The following ABCB1 variants were observed in gnomAD, a reference collection of about 807,000 sequenced individuals.
ABCB1 encodes the protein ATP-dependent translocase ABCB1.
Under a neutral mutation model 142.0 loss-of-function variants are expected in ABCB1, and 69 were observed. That is an observed-to-expected ratio of 0.49 (90% CI 0.40 to 0.59). The LOEUF is 0.59. Among genes scored for constraint, ABCB1 ranks in the 20% least tolerant of loss-of-function variants. The pLI, the probability that ABCB1 is intolerant of heterozygous loss-of-function variation, is 0.00. For missense variants in ABCB1, 1,326 were observed against 1,554.7 expected (o/e 0.85, Z 2.47); for synonymous variants, 532 against 539.2 (o/e 0.99, Z 0.18).
chr7:87,614,431 GAGAGAA>G (rs949184733), intron 1 of ABCB1, among the ~76,000 whole-genome samples: 13 of 150,562 alleles, frequency 8.6e-5, no homozygotes, highest in African/African-American at 3.2e-4. Flanking sequence ...AAAGAAGAAA[GAGAGAA>G]AGAGAAAGAA....
rs540109813 is a variant in ABCB1, at chr7:87,576,858, AG to A, written c.287-6636del. On this transcript the variant is annotated intron_variant, in intron 4 of 27. Coordinates refer to ENST00000622132, the MANE Select transcript of ABCB1 (RefSeq NM_001348946.2). ...GCATACAATGGATAATAATCACATT[AG>A]GGTGAATGGGGTATCTATCACCTCA... is the stretch of plus-strand genomic sequence containing the variant. Among the ~76,000 whole-genome samples, 538 of 152,274 alleles carry A rather than the reference AG, an allele frequency of 3.5e-3. 3 individuals carry two copies. Among genetic ancestry groups the A allele is most frequent in the African/African-American group, 0.012 (490 of 41,564 alleles).
At chr7:87,516,269 ATCTG>A (rs1563029771) in intron 24 of ABCB1, among the ~76,000 whole-genome samples, 5 of 152,178 alleles carry the variant, frequency 3.3e-5, no homozygotes, top group African/African-American at 1.2e-4. Context: ...TTTTTAAAAA[ATCTG>A]ATTAATAGGT....
chr7:87,559,346 A>G (rs1684817620), intron 8 of ABCB1, among the ~76,000 whole-genome samples: 1 of 152,116 alleles, frequency 6.6e-6, no homozygotes, highest in Non-Finnish European at 1.5e-5. Flanking sequence ...CATATTATCT[A>G]TATCATGAGG....
intron 25 of ABCB1, among the ~76,000 whole-genome samples, chr7:87,511,540 C>A (rs773263374): frequency 6.6e-6 from 1 of 152,180 alleles, no homozygotes; most frequent in Non-Finnish European, 1.5e-5. Flanking sequence ...GTTGTAGGTT[C>A]TGTGATAAGC....
intron 1 of ABCB1, among the ~76,000 whole-genome samples, chr7:87,663,954 T>C (rs1373326043): frequency 6.6e-6 from 1 of 152,138 alleles, no homozygotes; most frequent in African/African-American, 2.4e-5. Flanking sequence ...TTATACCTCA[T>C]TTCACCTTAA....
chr7:87,682,144 T>C (rs1394718092), intron 1 of ABCB1, among the ~76,000 whole-genome samples: 1 of 152,228 alleles, frequency 6.6e-6, no homozygotes, highest in Non-Finnish European at 1.5e-5. Flanking sequence ...CTGTTCAAGT[T>C]TGATCATAAG....
intron 1 of ABCB1, among the ~76,000 whole-genome samples, chr7:87,685,046 A>G (rs1175096275): frequency 6.6e-6 from 1 of 152,170 alleles, no homozygotes; most frequent in African/African-American, 2.4e-5. Flanking sequence ...GATTTTAGAT[A>G]TAACAACAAA....
At chr7:87,682,887 T>A (rs1170465799) in intron 1 of ABCB1, among the ~76,000 whole-genome samples, 1 of 152,210 alleles carries the variant, frequency 6.6e-6, no homozygotes, top group Non-Finnish European at 1.5e-5. Flanking sequence ...TTCTCTTCTT[T>A]TACTATGAAA....
At chr7:87,539,215 G>A in intron 19 of ABCB1, 53 bp downstream of exon 19, 1 of 1,554,490 alleles carries the variant, frequency 6.4e-7, no homozygotes, top group Admixed American at 1.7e-5. Context: ...GAGTCCAAGG[G>A]GCACACATGG....
intron 4 of ABCB1, among the ~76,000 whole-genome samples, chr7:87,580,631 A>G (rs1393833787): frequency 6.6e-6 from 1 of 152,094 alleles, no homozygotes; most frequent in African/African-American, 2.4e-5. Context: ...TACCCTTTTA[A>G]ATAAACTTTC....
In ABCB1 at chr7:87,687,570, A is replaced by G. The variant is rs573248571; in HGVS notation, c.-331+25591T>C. Among the ~76,000 whole-genome samples the G allele has an allele frequency of 8.5e-5, 13 of 152,292 alleles. 1 individual carries two copies. Among genetic ancestry groups the G allele is most frequent in the African/African-American group, 3.1e-4 (13 of 41,568 alleles). ...ACTAAGATCTTCATCTGTTTTGTTCATTGGTGTATCCAAATCTCTAGAGCA... is the reference window on the plus strand; with the variant it reads ...ACTAAGATCTTCATCTGTTTTGTTCGTTGGTGTATCCAAATCTCTAGAGCA... On this transcript the variant is annotated intron_variant, in intron 1 of 28. Coordinates refer to the ABCB1 transcript ENST00000265724.
intron 9 of ABCB1, among the ~76,000 whole-genome samples, chr7:87,551,648 A>G (rs1313685414): frequency 7.0e-6 from 1 of 142,728 alleles, no homozygotes. Context: ...GTGCCACCAT[A>G]TCTGGCTAAT....
intron 1 of ABCB1, among the ~76,000 whole-genome samples, chr7:87,650,643 A>T (rs1175180619): frequency 6.6e-6 from 1 of 151,808 alleles, no homozygotes; most frequent in Non-Finnish European, 1.5e-5. Context: ...CAATAAAAAG[A>T]CTCCTTTCTG....
At chr7:87,549,293 A>G (rs1156924849) in intron 14 of ABCB1, 55 bp downstream of exon 14, 1 of 1,603,662 alleles carries the variant, frequency 6.2e-7, no homozygotes, top group Non-Finnish European at 8.5e-7. Context: ...AAGAATTAGT[A>G]GTAGAATGTT....
rs937484465 is a variant in ABCB1, at chr7:87,686,693, A to G, written c.-331+26468T>C. Among the ~76,000 whole-genome samples, 3 of 151,756 alleles carry G rather than the reference A, an allele frequency of 2.0e-5. No individual in the cohort carries two copies. The South Asian group carries it at 6.2e-4, about 32-fold the overall frequency. The stretch of plus-strand genomic sequence containing the variant: ...AGTGGCTCATGCCTGTAATCCCAGC[A>G]CTTTGGGAGCCAAGGCAGGCAGATC... On this transcript the variant is annotated intron_variant, in intron 1 of 28. Coordinates refer to the ABCB1 transcript ENST00000265724.
intron 1 of ABCB1, among the ~76,000 whole-genome samples, chr7:87,600,449 G>A (rs1484802034): frequency 1.3e-5 from 2 of 152,196 alleles, no homozygotes; most frequent in African/African-American, 4.8e-5. Flanking sequence ...TCTCCCTCCC[G>A]GTTCCAGTCG....
chr7:87,519,549 C>T, intron 22 of ABCB1, 83 bp from the exon 23 acceptor site: 1 of 1,554,758 alleles, frequency 6.4e-7, no homozygotes, highest in Non-Finnish European at 8.8e-7. Context: ...GGCAGTAGGG[C>T]ACAGAGGCAT....
At chr7:87,579,232 T>C (rs1038588453) in intron 4 of ABCB1, among the ~76,000 whole-genome samples, 6 of 152,196 alleles carry the variant, frequency 3.9e-5, no homozygotes, top group African/African-American at 1.2e-4. Flanking sequence ...TCTTGTCTGA[T>C]TGCCCTCGCT....
chr7:87,659,497 T>C (rs1215912258), intron 1 of ABCB1, among the ~76,000 whole-genome samples: 1 of 152,172 alleles, frequency 6.6e-6, no homozygotes, highest in Non-Finnish European at 1.5e-5. Flanking sequence ...ACCCTGTGTG[T>C]GTAGCATAGT....
Sources: allele counts gnomAD v4.1 joint callset (sites outside exome capture counted in the v4.1 genomes callset), GRCh38; gene constraint gnomAD v4.1.1; transcripts MANE v1.5; gene names NCBI Gene and HGNC (gene_info 2026-07-23, HGNC 2026-07-21).